NCOA4: variants seen among roughly 807,000 people sequenced by gnomAD.
NCOA4 encodes 70 kDa AR-activator.
Under a neutral mutation model 69.5 loss-of-function variants are expected in NCOA4, and 31 were observed. The ratio of observed to expected loss-of-function variants is 0.45; its 90% CI spans 0.34 to 0.60. NCOA4 has a LOEUF of 0.60. Among genes scored for constraint, NCOA4 ranks in the 20% least tolerant of loss-of-function variants. NCOA4 has a pLI of 0.02. For missense variants in NCOA4, 600 were observed against 719.2 expected (o/e 0.83, Z 1.90); for synonymous variants, 228 against 252.4 (o/e 0.90, Z 0.92).
intron 7 of NCOA4, 77 bp downstream of exon 7, chr10:46,012,806 C>T: frequency 2.1e-6 from 3 of 1,452,258 alleles, no homozygotes; most frequent in Middle Eastern, 2.2e-4. Flanking sequence ...TTAACAATGA[C>T]ACATAGTACT....
chr10:46,007,008 T>G (rs1304009594), intron 9 of NCOA4, among the ~76,000 whole-genome samples: 4 of 152,220 alleles, frequency 2.6e-5, no homozygotes, highest in African/African-American at 9.6e-5. Flanking sequence ...CACGAGAGGC[T>G]GAAAGCTGGG....
rs782196661 is a variant in NCOA4, at chr10:46,016,392, A to T, written c.141+148T>A. 30 of 579,352 alleles carry T rather than the reference A, an allele frequency of 5.2e-5. No individual in the cohort carries two copies. The East Asian group carries it at 9.2e-4, about 18-fold the overall frequency. 35.9% of individuals were successfully genotyped at this position (579,352 alleles called of 1,614,324 possible). On this transcript the variant is annotated intron_variant, in intron 2 of 9. Coordinates refer to ENST00000581486, the MANE Select transcript of NCOA4 (RefSeq NM_001145263.2). ...TCCCCTTGGGATGAAAGGCACCAGT[A>T]TATCAGGCAACTGACGGGGACCAAG...
At chr10:46,011,819 C>T (rs904284626) in intron 7 of NCOA4, among the ~76,000 whole-genome samples, 39 of 151,012 alleles carry the variant, frequency 2.6e-4, no homozygotes, top group Admixed American at 2.4e-3. Context: ...TTTGGGAGGC[C>T]GAGGCAGGCA....
chr10:46,012,070 GAAAAAAAAAAAA>G (rs71026286), intron 7 of NCOA4, among the ~76,000 whole-genome samples: 45 of 44,524 alleles, frequency 1.0e-3, no homozygotes, highest in African/African-American at 2.7e-3. Context: ...CAAAAAGAAA[GAAAAAAAAAAAA>G]AAAAAAAAAA....
In NCOA4 at chr10:46,012,936, TG is replaced by T. The variant is rs1554922061; in HGVS notation, c.660del (p.Ser221AlafsTer34). 6.2e-7 allele frequency: 1 copy of T among 1,614,164 alleles called. No individual in the cohort carries two copies. Among genetic ancestry groups the T allele is most frequent in the Non-Finnish European group, 8.5e-7 (1 of 1,180,038 alleles). On this transcript the variant is annotated frameshift_variant, in exon 7 of 10. Coordinates refer to ENST00000581486, the MANE Select transcript of NCOA4 (RefSeq NM_001145263.2). LOFTEE classifies it high-confidence loss of function. ...GTAAGCCAGTCCTGGGGGTCGGTGC[TG>T]GGTATGTAAGGAGCTTGATAACCAC... ...PASGYQAPYI[P>X]STDPQDWLTQ...
chr10:46,022,730 G>T (rs921615977), intron 1 of NCOA4, among the ~76,000 whole-genome samples: 34 of 152,248 alleles, frequency 2.2e-4, no homozygotes, highest in African/African-American at 7.5e-4. Context: ...CTCCCAAAGT[G>T]CTGGGATTAC....
intron 1 of NCOA4, among the ~76,000 whole-genome samples, chr10:46,024,945 TAGAC>T (rs1840079241): frequency 6.6e-6 from 1 of 151,996 alleles, no homozygotes; most frequent in African/African-American, 2.4e-5. Context: ...GAACATTATA[TAGAC>T]AGACATAGAT....
intron 7 of NCOA4, 32 bp downstream of exon 7, chr10:46,012,851 C>G: frequency 1.2e-6 from 2 of 1,612,206 alleles, no homozygotes; most frequent in African/African-American, 2.7e-5. Flanking sequence ...ACTGCTGTGT[C>G]TACTGTAGAA....
At chr10:46,012,103 A>AAAAAAAAAAAAAAATC (rs1839266242) in intron 7 of NCOA4, among the ~76,000 whole-genome samples, 1 of 128,058 alleles carries the variant, frequency 7.8e-6, no homozygotes, top group Non-Finnish European at 1.7e-5. Flanking sequence ...AAAAAAAAAA[A>AAAAAAAAAAAAAAATC]CGAAAAAAGA....
At chr10:46,027,418 G>A in intron 1 of NCOA4, 1 of 1,551,080 alleles carries the variant, frequency 6.4e-7, no homozygotes, top group Non-Finnish European at 8.7e-7. Context: ...CATGGAGATA[G>A]TATTAATGCC....
At chr10:46,024,265 T>C (rs140772125) in intron 1 of NCOA4, among the ~76,000 whole-genome samples, 1 of 152,384 alleles carries the variant, frequency 6.6e-6, no homozygotes, top group African/African-American at 2.4e-5. Context: ...TACAATTTTA[T>C]GGTCCTTTGT....
chr10:46,026,127 T>C (rs541798273), intron 1 of NCOA4, among the ~76,000 whole-genome samples: 31 of 152,346 alleles, frequency 2.0e-4, no homozygotes, highest in Non-Finnish European at 3.5e-4. Flanking sequence ...GCTTTAAACA[T>C]AGATAATCAA....
In NCOA4 at chr10:46,005,772, T is replaced by C. The variant is rs1421730464; in HGVS notation, c.*820A>G. The stretch of plus-strand genomic sequence containing the variant: ...AATTATCCCTATGATAGTGACTGTT[T>C]CAAGTACTATACTACATTTCCAACA... On this transcript the variant is annotated 3_prime_UTR_variant, in exon 10 of 10. Transcript: ENST00000581486. 4.7e-6 allele frequency: 1 copy of C among 213,148 alleles called. No homozygotes were observed. 13.2% of individuals were successfully genotyped at this position (213,148 alleles called of 1,614,324 possible).
intron 9 of NCOA4, among the ~76,000 whole-genome samples, chr10:46,007,471 T>C (rs1315780291): frequency 1.3e-5 from 2 of 151,996 alleles, no homozygotes; most frequent in Non-Finnish European, 2.9e-5. Context: ...CAAAACAACT[T>C]CCTATTGGAA....
At position 46,013,632 on chromosome 10, in the gene NCOA4, G is replaced by T; in HGVS notation, c.488C>A (p.Pro163His). Reference sequence around the variant, plus strand: ...ACTAGCATGAGCCATCAAGTGCTCAGGAATTTGCTACAAAATAGAGATAAT... The same window carrying T: ...ACTAGCATGAGCCATCAAGTGCTCATGAATTTGCTACAAAATAGAGATAAT... ...TFGSLKTIQI[P>H]EHLMAHASSA... Residue 163 changes from proline to histidine, a missense_variant, in exon 6 of 10, where the codon CCT (proline) becomes CAT (histidine). Coordinates refer to ENST00000581486, the MANE Select transcript of NCOA4 (RefSeq NM_001145263.2). 6.2e-7 allele frequency: 1 copy of T among 1,607,236 alleles called. No homozygotes were observed. Among genetic ancestry groups the T allele is most frequent in the Middle Eastern group, 1.7e-4 (1 of 6,046 alleles).
At position 46,023,553 on chromosome 10, in the gene NCOA4, T is replaced by A. The variant is rs932728163; in HGVS notation, c.-14-6859A>T. 2.9e-5 allele frequency: 29 copies of A among 983,098 alleles called. No homozygotes were observed. The African/African-American group carries it at 4.5e-4, about 15-fold the overall frequency. 60.9% of individuals were successfully genotyped at this position (983,098 alleles called of 1,614,324 possible). The stretch of plus-strand genomic sequence containing the variant: ...TGCCCTGCTCCCAGCCAGTCCCCGC[T>A]GGCGCTCGCGGCCCCCCTGCAGCTC... On this transcript the variant is annotated intron_variant, in intron 1 of 9. Transcript: ENST00000581486.
intron 4 of NCOA4, 108 bp from the exon 5 acceptor site, chr10:46,014,660 T>C: frequency 1.1e-6 from 1 of 872,612 alleles, no homozygotes; most frequent in South Asian, 1.7e-5. Context: ...TACACTTCTC[T>C]AAGAAACTCA....
Position 46,009,904 on chromosome 10 carries a change from C to T in NCOA4, c.1698+319G>A, listed in dbSNP as rs193052651. Among the ~76,000 whole-genome samples, 66 of 152,238 alleles carry T rather than the reference C, an allele frequency of 4.3e-4. 1 individual carries two copies. Among genetic ancestry groups the T allele is most frequent in the Admixed American group, 1.2e-3 (19 of 15,304 alleles). On this transcript the variant is annotated intron_variant, in intron 8 of 9. Coordinates refer to ENST00000581486, the MANE Select transcript of NCOA4 (RefSeq NM_001145263.2). ...ACTCTAGGCTGGGTGTGGTGGATCACGCCTGTAATCCCAGCAGTTTAGGAG... is the reference window on the plus strand; with the variant it reads ...ACTCTAGGCTGGGTGTGGTGGATCATGCCTGTAATCCCAGCAGTTTAGGAG...
rs1489423930 is a variant in NCOA4, at chr10:46,006,690, A to G, written c.1840-93T>C. ...AAAGCTCCGACTCATTTCCCAATAC[A>G]GGTATACCCTTGTTACATTGTATTT... On this transcript the variant is annotated intron_variant, in intron 9 of 9. Coordinates refer to ENST00000581486, the MANE Select transcript of NCOA4 (RefSeq NM_001145263.2). 8 of 1,135,644 alleles carry G rather than the reference A, an allele frequency of 7.0e-6. No homozygotes were observed. In the African/African-American group the frequency reaches 1.1e-4, roughly 15 times the overall value. 70.3% of individuals were successfully genotyped at this position (1,135,644 alleles called of 1,614,324 possible). A position where few individuals can be genotyped will look rare whatever the true frequency, so the allele number is the denominator to read the frequency against.
Sources: allele counts gnomAD v4.1 joint callset (sites outside exome capture counted in the v4.1 genomes callset), GRCh38; gene constraint gnomAD v4.1.1; transcripts MANE v1.5; gene names NCBI Gene and HGNC (gene_info 2026-07-23, HGNC 2026-07-21).